PRSS12: variants seen among roughly 807,000 people sequenced by gnomAD.
PRSS12 encodes the protein serine protease 12.
Under a neutral mutation model 104.4 loss-of-function variants are expected in PRSS12, and 85 were observed. That is an observed-to-expected ratio of 0.81 (90% CI 0.68 to 0.98). The LOEUF is 0.98. Ranked by LOEUF, PRSS12 falls within the 50% of genes least tolerant of loss-of-function variation. The probability of loss-of-function intolerance (pLI) is 0.00; values close to 1 mark genes in which losing one functional copy is unlikely to be tolerated. For synonymous variants in PRSS12, 454 were observed against 425.2 expected (o/e 1.07, Z -0.83); for missense variants, 1,141 against 1,139.2 (o/e 1.00, Z -0.02).
chr4:118,303,681 T>C (rs1420165949), intron 8 of PRSS12: 3 of 152,136 alleles, frequency 2.0e-5, no homozygotes, highest in African/African-American at 7.2e-5. Flanking sequence ...AGATAATAAC[T>C]TTCCAAGGGA....
chr4:118,335,688 G>A, intron 2 of PRSS12, 37 bp from the exon 3 acceptor site: 3 of 1,591,332 alleles, frequency 1.9e-6, no homozygotes, highest in Non-Finnish European at 2.6e-6. Flanking sequence ...TTTATCAAAT[G>A]TAGGCAAAAC....
intron 4 of PRSS12, among the ~76,000 whole-genome samples, chr4:118,329,289 CA>C: frequency 6.6e-6 from 1 of 152,212 alleles, no homozygotes; most frequent in South Asian, 2.1e-4. Context: ...TTTTTCTAAG[CA>C]ACAAAAGCTT....
At chr4:118,327,109 C>A (rs1277460952) in intron 4 of PRSS12, among the ~76,000 whole-genome samples, 1 of 151,784 alleles carries the variant, frequency 6.6e-6, no homozygotes. Flanking sequence ...TTGGTTTATA[C>A]AATGTTTTTT....
intron 11 of PRSS12, among the ~76,000 whole-genome samples, chr4:118,283,441 T>C (rs1742941309): frequency 6.6e-6 from 1 of 152,210 alleles, no homozygotes; most frequent in African/African-American, 2.4e-5. Context: ...TGTCCTGTGT[T>C]GTTGCCCTGT....
rs186551537 is a variant in PRSS12, at chr4:118,350,482, G to A, written c.502+1737C>T. ...GTAATTCATTATTACACAGTTGATC[G>A]TTTTCCTATTTTTTTGTGGTGGTGG... is the stretch of plus-strand genomic sequence containing the variant. On this transcript the variant is annotated intron_variant, in intron 1 of 12. Coordinates refer to ENST00000296498, the MANE Select transcript of PRSS12 (RefSeq NM_003619.4). 4.4e-4 allele frequency among the ~76,000 whole-genome samples: 67 copies of A among 152,256 alleles called. 1 individual carries two copies. The highest frequency in any genetic ancestry group is 4.3e-3 in the Admixed American group (66 of 15,302).
rs1329357300 is a variant in PRSS12 at position 118,280,109 on chromosome 4, TTAAGACATAG to T, written c.*1817_*1826del. Reference sequence around the variant, plus strand: ...CACTTGTATCTTTCAAAAGTCACACTTAAGACATAGTAAAAGCATGTTGTATGAACCATGT... The same window carrying T: ...CACTTGTATCTTTCAAAAGTCACACTTAAAAGCATGTTGTATGAACCATGT... On this transcript the variant is annotated 3_prime_UTR_variant, in exon 13 of 13. Transcript: ENST00000296498. The T allele has an allele frequency of 6.6e-6, 1 of 152,278 alleles. No individual in the cohort carries two copies. The highest frequency in any genetic ancestry group is 6.5e-5 in the Admixed American group (1 of 15,294). 9.4% of individuals were successfully genotyped at this position (152,278 alleles called of 1,614,324 possible). A position where few individuals can be genotyped will look rare whatever the true frequency, so the allele number is the denominator to read the frequency against.
rs146650218 is a variant in PRSS12 at position 118,282,104 on chromosome 4, G to A, written c.2460C>T (p.Ser820=). ...GTGGTCCTCCGCTGTCTCCCTGGCAGCTGTCCACGCGTTTGTGTTCATGGA... is the reference window on the plus strand; with the variant it reads ...GTGGTCCTCCGCTGTCTCCCTGGCAACTGTCCACGCGTTTGTGTTCATGGA... The part of the protein sequence containing the change: ...GNLHEHKRVD[S]CQGDSGGPLM... The change falls in exon 13 of 13, where the codon AGC becomes AGT. Residue 820 remains serine, a synonymous_variant. Coordinates refer to ENST00000296498, the MANE Select transcript of PRSS12 (RefSeq NM_003619.4). The A allele has an allele frequency of 1.0e-3, 1,685 of 1,614,196 alleles. 2 individuals are homozygous for A. Among genetic ancestry groups the A allele is most frequent in the Non-Finnish European group, 1.3e-3 (1,523 of 1,180,036 alleles).
chr4:118,302,374 C>T (rs1003901133), intron 8 of PRSS12, among the ~76,000 whole-genome samples: 1 of 152,312 alleles, frequency 6.6e-6, no homozygotes, highest in African/African-American at 2.4e-5. Context: ...AAATTAGCTT[C>T]ATAAAATAAA....
Position 118,299,755 on chromosome 4 carries a change from TAAATAAAATTAAATA to T in PRSS12, c.1632-832_1632-818del, listed in dbSNP as rs1743351269. 1.3e-3 allele frequency among the ~76,000 whole-genome samples: 109 copies of T among 81,320 alleles called. 5 individuals are homozygous for T. Among genetic ancestry groups the T allele is most frequent in the Admixed American group, 0.013 (92 of 7,088 alleles). The allele number at this position is 81,320 out of a possible 152,430, so 53.3% of individuals were successfully genotyped here. ...ATAAAATAAAATAAAATAAATAAAA[TAAATAAAATTAAATA>T]AAATAAAATAAAATAAAATAAAATA... On this transcript the variant is annotated intron_variant, in intron 8 of 12. Transcript: ENST00000296498.
chr4:118,335,708 A>G, intron 2 of PRSS12, 57 bp from the exon 3 acceptor site: 3 of 1,504,226 alleles, frequency 2.0e-6, no homozygotes, highest in Non-Finnish European at 2.8e-6. Context: ...CTTTTTATCA[A>G]AACATTTGGA....
intron 8 of PRSS12, among the ~76,000 whole-genome samples, chr4:118,301,835 T>C (rs1743413336): frequency 6.6e-6 from 1 of 152,192 alleles, no homozygotes; most frequent in African/African-American, 2.4e-5. Flanking sequence ...CTAGTTCTAG[T>C]CTCTTTCCAG....
At chr4:118,298,655 T>C in intron 9 of PRSS12, 78 bp downstream of exon 9, 1 of 1,337,436 alleles carries the variant, frequency 7.5e-7, no homozygotes, top group Non-Finnish European at 1.1e-6. Context: ...TAGATTTCTG[T>C]TATCAAAGTA....
At chr4:118,313,054 G>A in intron 7 of PRSS12, 147 bp downstream of exon 7, 1 of 854,000 alleles carries the variant, frequency 1.2e-6, no homozygotes, top group South Asian at 1.6e-5. Context: ...ATTTTTCTCT[G>A]CATAAAAATT....
chr4:118,289,652 C>T (rs1578902729), intron 11 of PRSS12, among the ~76,000 whole-genome samples: 1 of 152,258 alleles, frequency 6.6e-6, no homozygotes, highest in South Asian at 2.1e-4. Context: ...AAATTTGGAG[C>T]TTGTTCTAAT....
intron 3 of PRSS12, among the ~76,000 whole-genome samples, chr4:118,333,480 A>G (rs1204071147): frequency 1.3e-5 from 2 of 152,244 alleles, no homozygotes; most frequent in African/African-American, 4.8e-5. Flanking sequence ...GTTTACTTGC[A>G]TAAGTTAACT....
Position 118,281,967 on chromosome 4 carries a change from AC to A in PRSS12, c.2596del (p.Val866TyrfsTer4), listed in dbSNP as rs1250635455. The A allele has an allele frequency of 4.2e-6, 6 of 1,442,512 alleles. No homozygotes were observed. Among genetic ancestry groups the A allele is most frequent in the Non-Finnish European group, 4.9e-6 (5 of 1,023,374 alleles). 89.4% of individuals were successfully genotyped at this position (1,442,512 alleles called of 1,614,324 possible). A position where few individuals can be genotyped will look rare whatever the true frequency, so the allele number is the denominator to read the frequency against. On this transcript the variant is annotated frameshift_variant, in exon 13 of 13. Coordinates refer to ENST00000296498, the MANE Select transcript of PRSS12 (RefSeq NM_003619.4). LOFTEE classifies it high-confidence loss of function. The stretch of plus-strand genomic sequence containing the variant: ...TTTGGTGACACTTTTTATCCAAGGT[AC>A]AAAGGCTGAGACTTTGGTATAAACA... ...PGVYTKVSAFVPWIKSVTKL is the reference protein window; with the variant it reads ...PGVYTKVSAFXPWIKSVTKL
intron 9 of PRSS12, among the ~76,000 whole-genome samples, chr4:118,298,442 A>G (rs1329576979): frequency 2.0e-5 from 3 of 152,162 alleles, no homozygotes; most frequent in East Asian, 3.9e-4. Flanking sequence ...CAAGCATGAG[A>G]GCTTTATTAC....
At chr4:118,336,419 T>A (rs763470903) in intron 2 of PRSS12, among the ~76,000 whole-genome samples, 3 of 152,182 alleles carry the variant, frequency 2.0e-5, no homozygotes, top group Non-Finnish European at 4.4e-5. Context: ...GAAATGCTTA[T>A]CTGATTAACA....
intron 11 of PRSS12, among the ~76,000 whole-genome samples, chr4:118,293,926 T>C (rs1419140299): frequency 1.4e-4 from 22 of 152,182 alleles, no homozygotes. Context: ...AACATTGTTT[T>C]CTATCAATGA....
Sources: gnomAD v4.1 joint callset for allele counts (sites outside exome capture counted in the v4.1 genomes callset) on GRCh38, gnomAD v4.1.1 for gene constraint, MANE v1.5 for transcripts, NCBI Gene and HGNC (gene_info 2026-07-23, HGNC 2026-07-21) for gene names.